ZNF225: variants seen among roughly 807,000 people sequenced by gnomAD.
ZNF225 encodes the protein zinc finger protein 225.
A neutral mutation model predicts 12.0 loss-of-function variants in ZNF225; 6 were observed. That is an observed-to-expected ratio of 0.50 (90% CI 0.27 to 0.98). The LOEUF (loss-of-function observed/expected upper bound fraction) is 0.98, where lower values mean the gene tolerates loss of function less well. Among genes scored for constraint, ZNF225 ranks in the 50% least tolerant of loss-of-function variants. The pLI is 0.11. For missense variants in ZNF225, 763 were observed against 848.2 expected, an observed-to-expected ratio of 0.90 and a Z score of 1.25; for synonymous variants, 271 against 283.2, an observed-to-expected ratio of 0.96 and a Z score of 0.43.
chr19:44,127,147 C>T (rs993343233), intron 4 of ZNF225, among the ~76,000 whole-genome samples: 20 of 152,262 alleles, frequency 1.3e-4, no homozygotes, highest in African/African-American at 4.6e-4. Flanking sequence ...TGGCTGCCTT[C>T]CTGATGGATC....
intron 2 of ZNF225, among the ~76,000 whole-genome samples, chr19:44,116,357 C>T (rs1451011617): frequency 2.6e-5 from 4 of 152,350 alleles, no homozygotes; most frequent in South Asian, 4.1e-4. Context: ...CCAGCGTCCA[C>T]AGGTGGCACT....
intron 4 of ZNF225, among the ~76,000 whole-genome samples, chr19:44,124,288 G>A (rs560866640): frequency 4.6e-5 from 7 of 152,254 alleles, no homozygotes; most frequent in Admixed American, 4.6e-4. Flanking sequence ...TCATTCAGGA[G>A]CAGATTATTT....
At chr19:44,130,824 C>A (rs760868188) in intron 4 of ZNF225, 26 bp from the exon 5 acceptor site, 17 of 1,570,816 alleles carry the variant, frequency 1.1e-5, no homozygotes, top group Non-Finnish European at 1.4e-5. Flanking sequence ...TACTTGCCCA[C>A]ATCTCTTAAT....
At chr19:44,111,609 C>T (rs374254510), upstream of ZNF225, among the ~76,000 whole-genome samples, 2 of 152,134 alleles carry the variant, frequency 1.3e-5, no homozygotes, top group African/African-American at 4.8e-5. Context: ...AAATATTCAT[C>T]TATGAAAAGG....
At position 44,132,354 on chromosome 19, in the gene ZNF225, C is replaced by G; in HGVS notation, c.1740C>G (p.Ala580=). 2 of 1,613,612 alleles carry G rather than the reference C, an allele frequency of 1.2e-6. No individual in the cohort carries two copies. The highest frequency in any genetic ancestry group is 1.7e-6 in the Non-Finnish European group (2 of 1,179,900). ...CKECGKSFSR[A]SSILNHKRLH... ...AATGTGGGAAGAGCTTTAGCCGGGC[C>G]TCAAGTATTTTGAATCATAAGAGAC... Residue 580 remains alanine (A), a synonymous_variant, in exon 5 of 5, where the codon GCC becomes GCG. Transcript: ENST00000262894.
At chr19:44,115,880 T>C in intron 2 of ZNF225, 38 bp downstream of exon 2, 1 of 1,607,022 alleles carries the variant, frequency 6.2e-7, no homozygotes, top group Non-Finnish European at 8.5e-7. Context: ...TAAAATTTCT[T>C]TTATGGAGAC....
rs1968358113 is a variant in ZNF225 at position 44,134,741 on chromosome 19, C to T, written c.*2006C>T. On this transcript the variant is annotated 3_prime_UTR_variant, in exon 5 of 5. Transcript: ENST00000262894. ...TACAACATGGTGTTAACATGTGGGA[C>T]TGATTGTGTTTCTTGTTAATATTTC... 6.6e-6 allele frequency: 1 copy of T among 152,198 alleles called. No homozygotes were observed. Among genetic ancestry groups the T allele is most frequent in the African/African-American group, 2.4e-5 (1 of 41,444 alleles). The allele number at this position is 152,198 out of a possible 1,614,324, so 9.4% of individuals were successfully genotyped here. A position where few individuals can be genotyped will look rare whatever the true frequency, so the allele number is the denominator to read the frequency against.
chr19:44,123,424 G>T (rs766864223), intron 4 of ZNF225, among the ~76,000 whole-genome samples: 6 of 152,124 alleles, frequency 3.9e-5, no homozygotes, highest in Non-Finnish European at 8.8e-5. Context: ...TAGCATCAAT[G>T]TTCATCAAGG....
Position 44,134,443 on chromosome 19 carries a change from A to C in ZNF225, c.*1708A>C, listed in dbSNP as rs901986396. The C allele has an allele frequency of 1.3e-5, 2 of 152,196 alleles. No homozygotes were observed. The highest frequency in any genetic ancestry group is 2.9e-5 in the Non-Finnish European group (2 of 68,036). 9.4% of individuals were successfully genotyped at this position (152,196 alleles called of 1,614,324 possible). A position where few individuals can be genotyped will look rare whatever the true frequency, so the allele number is the denominator to read the frequency against. On this transcript the variant is annotated 3_prime_UTR_variant, in exon 5 of 5. Transcript: ENST00000262894. ...TGTTTCCTAACACCAGCTAAAGGCCAGTCTTATAAGCAGTCCTTTCTAAGA... is the reference window on the plus strand; with the variant it reads ...TGTTTCCTAACACCAGCTAAAGGCCCGTCTTATAAGCAGTCCTTTCTAAGA...
rs1968243983 is a variant in ZNF225 at position 44,131,087 on chromosome 19, G to C, written c.473G>C (p.Ser158Thr). ...SEGRTCKKSF[S>T]DVSVLDLHQQ... ...GGTAGGACGTGTAAAAAGTCCTTTA[G>C]TGATGTCTCCGTCCTTGATCTTCAT... Residue 158 changes from serine to threonine, a missense_variant, in exon 5 of 5, where the codon AGT becomes ACT. Ser to Thr is a moderately conservative substitution (Grantham distance 58, BLOSUM62 1). Coordinates refer to ENST00000262894, the MANE Select transcript of ZNF225 (RefSeq NM_013362.4). 1 of 1,614,024 alleles carries C rather than the reference G, an allele frequency of 6.2e-7. No individual in the cohort carries two copies. The highest frequency in any genetic ancestry group is 1.3e-5 in the African/African-American group (1 of 74,952).
At position 44,134,501 on chromosome 19, in the gene ZNF225, T is replaced by G. The variant is rs958533127; in HGVS notation, c.*1766T>G. ...TCTCAGGCCTGTTATATTAACTTTTTGTGCACATAGTACTAGAAAACTGTT... is the reference window on the plus strand; with the variant it reads ...TCTCAGGCCTGTTATATTAACTTTTGGTGCACATAGTACTAGAAAACTGTT... On this transcript the variant is annotated 3_prime_UTR_variant, in exon 5 of 5. Transcript: ENST00000262894. The G allele has an allele frequency of 1.3e-5, 2 of 152,240 alleles. No homozygotes were observed. The highest frequency in any genetic ancestry group is 4.8e-5 in the African/African-American group (2 of 41,464). 9.4% of individuals were successfully genotyped at this position (152,240 alleles called of 1,614,324 possible).
chr19:44,128,982 GTGATCTTACCAAC>G (rs1968196783), intron 4 of ZNF225: 2 of 1,108,620 alleles, frequency 1.8e-6, no homozygotes, highest in South Asian at 9.1e-5. Flanking sequence ...TTCATCCCAG[GTGATCTTACCAAC>G]TTTCATTGTC....
At chr19:44,125,783 GT>G (rs1377629475) in intron 4 of ZNF225, among the ~76,000 whole-genome samples, 2 of 152,102 alleles carry the variant, frequency 1.3e-5, no homozygotes, top group Non-Finnish European at 2.9e-5. Context: ...CGAAGAACTT[GT>G]CTTCAAGCTC....
intron 2 of ZNF225, 92 bp from the exon 3 acceptor site, chr19:44,118,096 C>T: frequency 2.1e-6 from 3 of 1,421,384 alleles, no homozygotes; most frequent in South Asian, 1.7e-5. Context: ...TCCAAAACAG[C>T]TTCTCATTCC....
chr19:44,125,368 C>A (rs1968129280), intron 4 of ZNF225, among the ~76,000 whole-genome samples: 1 of 152,188 alleles, frequency 6.6e-6, no homozygotes, highest in Non-Finnish European at 1.5e-5. Flanking sequence ...GGGCCCCAAT[C>A]TCTTCTAGCT....
At chr19:44,129,075 G>A in intron 4 of ZNF225, 1 of 1,231,584 alleles carries the variant, frequency 8.1e-7, no homozygotes, top group Non-Finnish European at 1.0e-6. Context: ...AAAACTGAAG[G>A]TTTCTGATCC....
chr19:44,115,936 A>C lies in ZNF225; in HGVS notation c.15+94A>C, dbSNP rs148628667. ...GAGTGCAGTGGCCTGATTTTGGCTC[A>C]TTGCAACCTCCACCTCCGGAGTTCA... On this transcript the variant is annotated intron_variant, in intron 2 of 4. Transcript: ENST00000262894. 23 of 1,313,660 alleles carry C rather than the reference A, an allele frequency of 1.8e-5. No individual in the cohort carries two copies. In the East Asian group the frequency reaches 5.6e-4, roughly 32 times the overall value. 81.4% of individuals were successfully genotyped at this position (1,313,660 alleles called of 1,614,324 possible).
At chr19:44,114,286 G>A (rs1341451733) in intron 1 of ZNF225, 1 of 626,880 alleles carries the variant, frequency 1.6e-6, no homozygotes, top group East Asian at 3.0e-5. Flanking sequence ...TGTGTCTTCG[G>A]GCATGGGTGT....
In ZNF225 at chr19:44,131,902, T is replaced by C. The variant is rs1450927602; in HGVS notation, c.1288T>C (p.Cys430Arg). The C allele has an allele frequency of 3.1e-6, 5 of 1,614,104 alleles. No individual in the cohort carries two copies. The highest frequency in any genetic ancestry group is 2.2e-5 in the South Asian group (2 of 91,082). ...RAHSGEKPYR[C>R]EECGKGYKRR... ...GCACAGTGGAGAAAAGCCATATAGA[T>C]GTGAGGAGTGTGGGAAGGGCTACAA... Residue 430 changes from cysteine (C) to arginine (R), a missense_variant, in exon 5 of 5, where the codon TGT becomes CGT. By Grantham distance (180) the Cys-to-Arg change is radical. Coordinates refer to ENST00000262894, the MANE Select transcript of ZNF225 (RefSeq NM_013362.4).
Sources: gnomAD v4.1 joint callset for allele counts (sites outside exome capture counted in the v4.1 genomes callset) on GRCh38, gnomAD v4.1.1 for gene constraint, MANE v1.5 for transcripts, NCBI Gene and HGNC (gene_info 2026-07-23, HGNC 2026-07-21) for gene names.